Variants in CTNNBIP1 observed in about 807,000 individuals in gnomAD.
The protein encoded by CTNNBIP1 is catenin beta interacting protein 1.
Under a neutral mutation model 11.8 loss-of-function variants are expected in CTNNBIP1, and 7 were observed. That is an observed-to-expected ratio of 0.60 (90% CI 0.34 to 1.12). The LOEUF is 1.12. Ranked by LOEUF, CTNNBIP1 falls within the 50% of genes most tolerant of loss-of-function variation. The pLI, the probability that CTNNBIP1 is intolerant of heterozygous loss-of-function variation, is 0.03. For synonymous variants in CTNNBIP1, 58 were observed against 43.9 expected (o/e 1.32, Z -1.26); for missense variants, 101 against 113.4 (o/e 0.89, Z 0.50).
intron 1 of CTNNBIP1, among the ~76,000 whole-genome samples, chr1:9,909,789 G>A (rs1639698241): frequency 6.6e-6 from 1 of 152,132 alleles, no homozygotes; most frequent in Non-Finnish European, 1.5e-5. Flanking sequence ...CCCAGAGGTC[G>A]GGAGGGCGGA....
At chr1:9,860,716 C>T (rs1638609139) in intron 5 of CTNNBIP1, among the ~76,000 whole-genome samples, 2 of 152,102 alleles carry the variant, frequency 1.3e-5, no homozygotes, top group Admixed American at 6.6e-5. Flanking sequence ...CCACATCATC[C>T]TGCAAGACCA....
intron 1 of CTNNBIP1, among the ~76,000 whole-genome samples, chr1:9,908,370 C>CTT (rs35640583): frequency 6.9e-5 from 5 of 72,458 alleles, no homozygotes; most frequent in East Asian, 4.2e-4. Flanking sequence ...TCCACAGATT[C>CTT]TTTTTTTTTT....
At chr1:9,858,458 T>G (rs554759066) in intron 5 of CTNNBIP1, among the ~76,000 whole-genome samples, 2 of 152,192 alleles carry the variant, frequency 1.3e-5, no homozygotes, top group Non-Finnish European at 2.9e-5. Flanking sequence ...GCCAGCTACA[T>G]GGGCCCCTGG....
At position 9,902,456 on chromosome 1, in the gene CTNNBIP1, G is replaced by T. The variant is rs542204987; in HGVS notation, c.-144+7639C>A. The stretch of plus-strand genomic sequence containing the variant: ...TGGGAAGGGAGTTCTTGCTAACCAT[G>T]GCTCCTGAGGTGTGCACTGTTTCTC... On this transcript the variant is annotated intron_variant, in intron 1 of 5. Transcript: ENST00000377263. Among the ~76,000 whole-genome samples the T allele has an allele frequency of 8.5e-5, 13 of 152,288 alleles. No individual in the cohort carries two copies. In the East Asian group the frequency reaches 1.9e-3, roughly 23 times the overall value.
At position 9,850,639 on chromosome 1, in the gene CTNNBIP1, G is replaced by T; in HGVS notation, c.*79C>A. ...AGGGGGAGGTGGGGCAAGGGGGGCT[G>T]CTGCCACTCAGCCGGCCCAGGAGCC... On this transcript the variant is annotated 3_prime_UTR_variant, in exon 6 of 6. Coordinates refer to ENST00000377263, the MANE Select transcript of CTNNBIP1 (RefSeq NM_020248.3). 2 of 1,356,012 alleles carry T rather than the reference G, an allele frequency of 1.5e-6. No individual in the cohort carries two copies. The highest frequency in any genetic ancestry group is 2.1e-6 in the Non-Finnish European group (2 of 945,962). 84.0% of individuals were successfully genotyped at this position (1,356,012 alleles called of 1,614,324 possible).
At chr1:9,884,884 G>C (rs1165912200) in intron 1 of CTNNBIP1, among the ~76,000 whole-genome samples, 2 of 152,130 alleles carry the variant, frequency 1.3e-5, no homozygotes, top group East Asian at 3.9e-4. Flanking sequence ...GCCCTATGGT[G>C]GGGGCACAGG....
Position 9,883,142 on chromosome 1 carries a change from C to T in CTNNBIP1, c.-110+563G>A, listed in dbSNP as rs115560799. 0.019 allele frequency among the ~76,000 whole-genome samples: 2,930 copies of T among 152,152 alleles called. 47 individuals carry two copies. Among genetic ancestry groups the T allele is most frequent in the Non-Finnish European group, 0.031 (2,097 of 67,974 alleles). ...CGGCGCAGGAGGGTAGGTCAGGGAC[C>T]GGGGGAGCCTCTCTCTGGAAGGAAG... On this transcript the variant is annotated intron_variant, in intron 2 of 5. Coordinates refer to ENST00000377263, the MANE Select transcript of CTNNBIP1 (RefSeq NM_020248.3). The surrounding 1 kb of genome is among the most constrained non-coding windows in gnomAD (Gnocchi z 5.6).
intron 5 of CTNNBIP1, among the ~76,000 whole-genome samples, chr1:9,866,320 G>A (rs1638744247): frequency 6.6e-6 from 1 of 152,230 alleles, no homozygotes; most frequent in African/African-American, 2.4e-5. Flanking sequence ...GCCCTTTACA[G>A]TGTGAGGTCA....
rs749683165 is a variant in CTNNBIP1 at position 9,872,056 on chromosome 1, G to T, written c.9C>A (p.Arg3=). MN[R]EGAPGKSPEE... is the part of the protein sequence containing the mutation. ...CCGGACTCTTCCCGGGAGCTCCCTC[G>T]CGGTTCATCCCCCTGCCTGGCTCTG... Residue 3 remains arginine, a synonymous_variant, in exon 4 of 6, where the codon CGC becomes CGA. Transcript: ENST00000377263. This position sits in a 1 kb window ranked among gnomAD's most constrained non-coding sequence, Gnocchi z 4.0. 1 of 1,613,952 alleles carries T rather than the reference G, an allele frequency of 6.2e-7. No homozygotes were observed. Among genetic ancestry groups the T allele is most frequent in the Admixed American group, 1.7e-5 (1 of 60,018 alleles).
At chr1:9,862,285 T>A (rs1204419935) in intron 5 of CTNNBIP1, among the ~76,000 whole-genome samples, 1 of 152,246 alleles carries the variant, frequency 6.6e-6, no homozygotes, top group Non-Finnish European at 1.5e-5. Flanking sequence ...GGTCTCACTA[T>A]GTTGCCCAGG....
At chr1:9,882,450 G>A (rs937801262) in intron 2 of CTNNBIP1, among the ~76,000 whole-genome samples, 11 of 152,160 alleles carry the variant, frequency 7.2e-5, no homozygotes, top group Non-Finnish European at 1.0e-4. Flanking sequence ...CTGGGAGCCT[G>A]GAGGAGAAGG....
chr1:9,860,209 C>T (rs754846137), intron 5 of CTNNBIP1, among the ~76,000 whole-genome samples: 50 of 152,206 alleles, frequency 3.3e-4, no homozygotes, highest in Non-Finnish European at 6.8e-4. Flanking sequence ...GCTCCACAGA[C>T]CAGGCAGGGC....
intron 1 of CTNNBIP1, among the ~76,000 whole-genome samples, chr1:9,895,074 A>G (rs1465295208): frequency 6.6e-6 from 1 of 151,530 alleles, no homozygotes. Context: ...TGCCCTGCTA[A>G]TTTTTTGTAT....
intron 1 of CTNNBIP1, among the ~76,000 whole-genome samples, chr1:9,906,515 T>A (rs1181124391): frequency 6.6e-6 from 1 of 151,892 alleles, no homozygotes; most frequent in Non-Finnish European, 1.5e-5. Context: ...GCCAAGATTG[T>A]GCTATTGCAC....
In CTNNBIP1 at chr1:9,879,370, G is replaced by A. The variant is rs74695017; in HGVS notation, c.-109-1381C>T. ...AGCTTGGAAACCCACTGTCTTCAAT[G>A]AATTCTGAAAAGAAAGTTGCTCGAT... On this transcript the variant is annotated intron_variant, in intron 2 of 5. Coordinates refer to ENST00000377263, the MANE Select transcript of CTNNBIP1 (RefSeq NM_020248.3). Among the ~76,000 whole-genome samples the A allele has an allele frequency of 1.6e-4, 25 of 152,278 alleles. No individual in the cohort carries two copies. The East Asian group carries it at 4.4e-3, about 27-fold the overall frequency.
intron 3 of CTNNBIP1, among the ~76,000 whole-genome samples, chr1:9,875,387 A>G (rs774532627): frequency 3.3e-5 from 5 of 152,204 alleles, no homozygotes; most frequent in East Asian, 1.9e-4. Flanking sequence ...GACTGCTTCC[A>G]TCACAGACCG....
chr1:9,879,703 GAA>G (rs1278258808), intron 2 of CTNNBIP1, among the ~76,000 whole-genome samples: 2 of 152,120 alleles, frequency 1.3e-5, no homozygotes. Flanking sequence ...AAAAAGAGAT[GAA>G]AAGAGTGAAA....
chr1:9,864,176 G>A (rs183469315), intron 5 of CTNNBIP1, among the ~76,000 whole-genome samples: 15 of 152,192 alleles, frequency 9.9e-5, no homozygotes, highest in East Asian at 9.7e-4. Context: ...TGGGAGCCCC[G>A]GTGCCAGCAC....
At chr1:9,875,293 G>T (rs1638944283) in intron 3 of CTNNBIP1, among the ~76,000 whole-genome samples, 1 of 152,202 alleles carries the variant, frequency 6.6e-6, no homozygotes, top group East Asian at 1.9e-4. Context: ...CTGGTGTCTG[G>T]TTTTTGCCGC....
Sources: gnomAD v4.1 joint callset for allele counts (sites outside exome capture counted in the v4.1 genomes callset) on GRCh38, gnomAD v4.1.1 for gene constraint, Gnocchi (gnomAD v3.1) non-coding constraint, MANE v1.5 for transcripts, NCBI Gene and HGNC (gene_info 2026-07-23, HGNC 2026-07-21) for gene names.